The following SLC12A9 variants were observed in gnomAD, a reference collection of about 807,000 sequenced individuals.
The protein encoded by SLC12A9 is CCC-interacting protein 1.
In SLC12A9, 55 loss-of-function variants were observed where a neutral mutation model predicts 66.0. The observed-to-expected ratio is 0.83, with a 90% confidence interval of 0.67 to 1.04. SLC12A9 has a LOEUF of 1.04. Among genes scored for constraint, SLC12A9 ranks in the 50% least tolerant of loss-of-function variants. The probability of loss-of-function intolerance (pLI) is 0.00; values close to 1 mark genes in which losing one functional copy is unlikely to be tolerated. For synonymous variants in SLC12A9, 577 were observed against 569.0 expected (o/e 1.01, Z -0.20); for missense variants, 1,061 against 1,241.9 (o/e 0.85, Z 2.19).
intron 1 of SLC12A9, among the ~76,000 whole-genome samples, chr7:100,829,018 C>T (rs1813489424): frequency 6.6e-6 from 1 of 150,496 alleles, no homozygotes; most frequent in African/African-American, 2.4e-5. Flanking sequence ...GACAGAGTCT[C>T]CCTCTATTTC....
intron 7 of SLC12A9, 167 bp from the exon 8 acceptor site, chr7:100,859,718 A>C: frequency 1.2e-6 from 1 of 831,072 alleles, no homozygotes; most frequent in South Asian, 1.9e-5. Flanking sequence ...CTCTTAAAAA[A>C]AAGGAAGGAA....
In SLC12A9 at chr7:100,858,862, G is replaced by A; in HGVS notation, c.785G>A (p.Gly262Glu). Residue 262 changes from glycine (G) to glutamate (E), a missense_variant, in exon 6 of 14, where the codon GGA (glycine) becomes GAA (glutamate). Coordinates refer to ENST00000354161, the MANE Select transcript of SLC12A9 (RefSeq NM_020246.4). Reference sequence around the variant, plus strand: ...GGCTATGCTGAGGACTACACCACGGGAGCCGTGATGAATTTTGCCAGCGTC... The same window carrying A: ...GGCTATGCTGAGGACTACACCACGGAAGCCGTGATGAATTTTGCCAGCGTC... ...GAGYAEDYTTGAVMNFASVFA... is the reference protein window; with the variant it reads ...GAGYAEDYTTEAVMNFASVFA... 1 of 1,614,190 alleles carries A rather than the reference G, an allele frequency of 6.2e-7. No homozygotes were observed. Among genetic ancestry groups the A allele is most frequent in the Non-Finnish European group, 8.5e-7 (1 of 1,180,006 alleles).
intron 4 of SLC12A9, 148 bp from the exon 5 acceptor site, chr7:100,856,720 C>G: frequency 2.6e-6 from 2 of 763,104 alleles, no homozygotes; most frequent in South Asian, 3.9e-5. Context: ...CAATGTTGCC[C>G]AGGTTAGTTT....
At position 100,865,465 on chromosome 7, in the gene SLC12A9, C is replaced by T. The variant is rs1282580205; in HGVS notation, c.1859-254C>T. 2.6e-5 allele frequency: 40 copies of T among 1,534,058 alleles called. No homozygotes were observed. The East Asian group carries it at 9.8e-4, about 38-fold the overall frequency. On this transcript the variant is annotated intron_variant, in intron 13 of 13. Coordinates refer to ENST00000354161, the MANE Select transcript of SLC12A9 (RefSeq NM_020246.4). ...TGGAGTGCTCATTAGTGGCAAGAAT[C>T]CTAAGGCGAACTTTGCCTGTTTAAG...
chr7:100,851,238 T>C (rs1382108573), upstream of SLC12A9, among the ~76,000 whole-genome samples: 1 of 152,050 alleles, frequency 6.6e-6, no homozygotes, highest in Non-Finnish European at 1.5e-5. Flanking sequence ...GATTTTTTTC[T>C]TTAATAAGCG....
Position 100,826,960 on chromosome 7 carries a change from C to T in SLC12A9, n.141C>T, listed in dbSNP as rs747046991. ...TCCCAGGAGTGACGGGGTGCGCCCC[C>T]CCCCGCAAGGAAACTCACCTTCCAA... On this transcript the variant is annotated non_coding_transcript_exon_variant, in exon 1 of 2. Coordinates refer to the SLC12A9 transcript ENST00000461016. 5 of 1,533,900 alleles carry T rather than the reference C, an allele frequency of 3.3e-6. No individual in the cohort carries two copies. The Admixed American group carries it at 5.8e-5, about 18-fold the overall frequency.
At chr7:100,830,922 A>C (rs1813531700) in intron 1 of SLC12A9, among the ~76,000 whole-genome samples, 1 of 152,076 alleles carries the variant, frequency 6.6e-6, no homozygotes, top group Admixed American at 6.6e-5. Context: ...CCAGGCAAGC[A>C]AATTCAGTAG....
chr7:100,860,101 C>G (rs762172402), intron 8 of SLC12A9, 49 bp from the exon 9 acceptor site: 1 of 1,614,174 alleles, frequency 6.2e-7, no homozygotes, highest in Non-Finnish European at 8.5e-7. Flanking sequence ...GTCTCTCCGT[C>G]CCCGCTGAGC....
intron 13 of SLC12A9, among the ~76,000 whole-genome samples, chr7:100,863,371 TTC>T (rs1814881242): frequency 8.3e-6 from 1 of 120,386 alleles, no homozygotes; most frequent in Non-Finnish European, 1.9e-5. Context: ...CAGCCTTTCC[TTC>T]TTTTTTTTTC....
intron 5 of SLC12A9, 22 bp from the exon 6 acceptor site, chr7:100,858,813 C>T: frequency 1.9e-6 from 3 of 1,612,654 alleles, no homozygotes; most frequent in Non-Finnish European, 8.5e-7. Flanking sequence ...ATGCACTCTC[C>T]TCCCTGGGAG....
At chr7:100,837,819 T>G (rs1584678109) in intron 1 of SLC12A9, among the ~76,000 whole-genome samples, 1 of 151,768 alleles carries the variant, frequency 6.6e-6, no homozygotes, top group Admixed American at 6.6e-5. Context: ...CCAATTTTAT[T>G]TCATCTATTT....
At chr7:100,842,588 G>A (rs1435399739) in intron 1 of SLC12A9, among the ~76,000 whole-genome samples, 1 of 152,114 alleles carries the variant, frequency 6.6e-6, no homozygotes, top group East Asian at 1.9e-4. Context: ...TGCCCCAACC[G>A]GTTTTTATAA....
intron 1 of SLC12A9, among the ~76,000 whole-genome samples, chr7:100,829,662 G>A (rs1273701201): frequency 6.6e-6 from 1 of 152,014 alleles, no homozygotes; most frequent in African/African-American, 2.4e-5. Flanking sequence ...GGGGTTCTCT[G>A]CAACCCTCTC....
chr7:100,835,649 CAAA>C, intron 1 of SLC12A9, among the ~76,000 whole-genome samples: 1 of 138,330 alleles, frequency 7.2e-6, no homozygotes, highest in African/African-American at 2.6e-5. Flanking sequence ...GACTCCGTCT[CAAA>C]AAAAAAAACA....
chr7:100,866,363 C>G lies in SLC12A9; in HGVS notation c.2503C>G (p.Arg835Gly), dbSNP rs932458658. 6.6e-7 allele frequency: 1 copy of G among 1,513,256 alleles called. No homozygotes were observed. Among genetic ancestry groups the G allele is most frequent in the South Asian group, 1.3e-5 (1 of 78,360 alleles). The allele number at this position is 1,513,256 out of a possible 1,614,324, so 93.7% of individuals were successfully genotyped here. Reference sequence around the variant, plus strand: ...AGACGCAGAGGCAGAGGCCCTGGCACGCAGCGCCAACGCCCTGGTTCGGGC... The same window carrying G: ...AGACGCAGAGGCAGAGGCCCTGGCAGGCAGCGCCAACGCCCTGGTTCGGGC... ...RGDAEAEALARSANALVRAQQ... is the reference protein window; with the variant it reads ...RGDAEAEALAGSANALVRAQQ... Residue 835 changes from arginine (R) to glycine (G), a missense_variant, in exon 14 of 14, where the codon CGC (arginine) becomes GGC (glycine). Transcript: ENST00000354161. The surrounding 1 kb of genome is among the most constrained non-coding windows in gnomAD (Gnocchi z 7.3).
At chr7:100,830,662 C>T (rs2571607) in intron 1 of SLC12A9, among the ~76,000 whole-genome samples, 33,650 of 151,452 alleles carry the variant, frequency 0.22, 4,730 homozygotes, top group East Asian at 0.57. Flanking sequence ...TACTACGTGC[C>T]GAGTGATCAC....
chr7:100,859,738 A>G, intron 7 of SLC12A9, 147 bp from the exon 8 acceptor site: 1 of 975,320 alleles, frequency 1.0e-6, no homozygotes, highest in Non-Finnish European at 1.5e-6. Context: ...ATGACCACTG[A>G]GTGATTAAAT....
At chr7:100,828,264 C>G (rs1354857466) in intron 1 of SLC12A9, among the ~76,000 whole-genome samples, 1 of 150,612 alleles carries the variant, frequency 6.6e-6, no homozygotes, top group African/African-American at 2.4e-5. Flanking sequence ...GTGTGGCGGG[C>G]GCGGTGGCTC....
Position 100,859,127 on chromosome 7 carries a change from C to T in SLC12A9, c.943C>T (p.Leu315=). The T allele has an allele frequency of 6.2e-7, 1 of 1,614,104 alleles. No homozygotes were observed. The highest frequency in any genetic ancestry group is 1.3e-5 in the African/African-American group (1 of 75,048). The change falls in exon 7 of 14, where the codon CTG becomes TTG. Residue 315 remains leucine, a synonymous_variant. Transcript: ENST00000354161. ...AVAYTFFVYV[L]LFFLSSFTCD... is the part of the protein sequence containing the mutation. ...CGCCTACACCTTCTTCGTCTATGTC[C>T]TGCTTTTCTTTCTCTCCAGCTTCAC...
Sources: gnomAD v4.1 joint callset for allele counts (sites outside exome capture counted in the v4.1 genomes callset) on GRCh38, gnomAD v4.1.1 for gene constraint, Gnocchi (gnomAD v3.1) non-coding constraint, MANE v1.5 for transcripts, NCBI Gene and HGNC (gene_info 2026-07-23, HGNC 2026-07-21) for gene names.